ALG9: variants seen among roughly 807,000 people sequenced by gnomAD.
ALG9 encodes alpha-1,2-mannosyltransferase ALG9.
ALG9 carries 55 observed loss-of-function variants against 81.8 expected under a neutral mutation model. The ratio of observed to expected loss-of-function variants is 0.67; its 90% CI spans 0.54 to 0.84. ALG9 has a LOEUF of 0.84. ALG9 is among the 40% of genes least tolerant of loss of function. ALG9 has a pLI of 0.00. For synonymous variants in ALG9, 278 were observed against 274.3 expected (o/e 1.01, Z -0.13); for missense variants, 629 against 745.0 (o/e 0.84, Z 1.81).
chr11:111,768,834 T>TGTGTGCGC, the ALG9 span: 1 of 99,154 alleles, frequency 1.0e-5, no homozygotes, highest in Non-Finnish European at 2.1e-5. Context: ...GCTTCGTGTG[T>TGTGTGCGC]GTGTGTGCGT....
At chr11:111,830,619 T>G (rs1592134390) in intron 13 of ALG9, among the ~76,000 whole-genome samples, 1 of 152,180 alleles carries the variant, frequency 6.6e-6, no homozygotes, top group Non-Finnish European at 1.5e-5. Context: ...ATTACAGCAA[T>G]TTGAATCTGC....
chr11:111,798,081 C>T (rs613292), intron 14 of ALG9: 115,266 of 162,780 alleles, frequency 0.71, 41,665 homozygotes, highest in African/African-American at 0.86. Flanking sequence ...TCCGTGCCTG[C>T]AGTCCCACCT....
intron 3 of ALG9, among the ~76,000 whole-genome samples, chr11:111,867,931 A>G (rs1338569720): frequency 6.6e-6 from 1 of 152,182 alleles, no homozygotes; most frequent in African/African-American, 2.4e-5. Context: ...GAGGTTCCCT[A>G]CCAGGCCTCC....
At chr11:111,833,025 C>T (rs368388008) in intron 13 of ALG9, among the ~76,000 whole-genome samples, 7 of 152,262 alleles carry the variant, frequency 4.6e-5, no homozygotes, top group African/African-American at 7.2e-5. Flanking sequence ...GAGCAAGATC[C>T]AGTCTCTTAA....
At chr11:111,856,626 T>A (rs937450467) in intron 6 of ALG9, among the ~76,000 whole-genome samples, 23 of 130,044 alleles carry the variant, frequency 1.8e-4, no homozygotes, top group African/African-American at 6.8e-4. Context: ...TGGTACTTAC[T>A]TTTTTTTTTT....
At chr11:111,772,235 A>T in the ALG9 span, among the ~76,000 whole-genome samples, 1 of 152,170 alleles carries the variant, frequency 6.6e-6, no homozygotes, top group East Asian at 1.9e-4. Flanking sequence ...AGACCAGCCT[A>T]GGCAACATGG....
chr11:111,838,212 T>A (rs1285182088), intron 11 of ALG9, 37 bp downstream of exon 11: 1 of 1,612,360 alleles, frequency 6.2e-7, no homozygotes, highest in Admixed American at 1.7e-5. Context: ...AGCAAGTGAC[T>A]CGTCAGTGTA....
At chr11:111,787,222 G>C (rs1438874077) in intron 14 of ALG9, among the ~76,000 whole-genome samples, 1 of 152,054 alleles carries the variant, frequency 6.6e-6, no homozygotes, top group Non-Finnish European at 1.5e-5. Context: ...TTTGAGGTCA[G>C]GAGTTCGAGA....
At chr11:111,869,599 AAAAAG>A (rs1245933510) in intron 2 of ALG9, among the ~76,000 whole-genome samples, 30 of 152,230 alleles carry the variant, frequency 2.0e-4, no homozygotes, top group Non-Finnish European at 4.0e-4. Flanking sequence ...ATTTAAAAAA[AAAAAG>A]AAAATTACAA....
At chr11:111,871,158 G>A (rs1231396989) in intron 1 of ALG9, 194 bp downstream of exon 1, 9 of 1,279,924 alleles carry the variant, frequency 7.0e-6, no homozygotes, top group Admixed American at 4.3e-5. Flanking sequence ...CGCAGTGGAG[G>A]GATCTAAGGT....
Position 111,843,950 on chromosome 11 carries a change from A to G in ALG9, c.1018+651T>C, listed in dbSNP as rs1408443343. On this transcript the variant is annotated intron_variant, in intron 9 of 14. Transcript: ENST00000616540. ...TCTCGTGGATTACCTTAAGCAACCT[A>G]TCAGGTTAATATACACTTCTTTAAA... Among the ~76,000 whole-genome samples the G allele has an allele frequency of 2.6e-5, 4 of 152,202 alleles. No individual in the cohort carries two copies. The South Asian group carries it at 6.2e-4, about 24-fold the overall frequency.
rs374981017 is a variant in ALG9 at position 111,818,714 on chromosome 11, A to T, written c.1603-8941T>A. Reference sequence around the variant, plus strand: ...AATTGGGAAATTCATTGTAAGCTCCATAAAATCTGGGGCTGTGTCTATCTC... The same window carrying T: ...AATTGGGAAATTCATTGTAAGCTCCTTAAAATCTGGGGCTGTGTCTATCTC... On this transcript the variant is annotated intron_variant, in intron 13 of 14. Coordinates refer to ENST00000616540, the MANE Select transcript of ALG9 (RefSeq NM_024740.2). 5.9e-5 allele frequency among the ~76,000 whole-genome samples: 9 copies of T among 152,240 alleles called. No individual in the cohort carries two copies. The East Asian group carries it at 1.5e-3, about 26-fold the overall frequency.
the ALG9 span, among the ~76,000 whole-genome samples, chr11:111,773,407 G>A: frequency 1.3e-5 from 2 of 152,066 alleles, no homozygotes; most frequent in African/African-American, 2.4e-5. Context: ...ACCATGCCTG[G>A]CTAATTTTTG....
intron 8 of ALG9, among the ~76,000 whole-genome samples, chr11:111,851,606 G>C (rs1381356037): frequency 2.6e-5 from 4 of 152,016 alleles, no homozygotes; most frequent in African/African-American, 9.7e-5. Context: ...CATTATAAAG[G>C]TGGAGAAGTC....
chr11:111,817,074 A>G (rs1215236421), intron 13 of ALG9: 3 of 152,220 alleles, frequency 2.0e-5, no homozygotes, highest in African/African-American at 7.2e-5. Flanking sequence ...AAGAGGAAGA[A>G]TATCTACCTG....
rs149713419 is a variant in ALG9 at position 111,850,288 on chromosome 11, A to G, written c.895+3092T>C. 1.6e-4 allele frequency among the ~76,000 whole-genome samples: 24 copies of G among 152,338 alleles called. No individual in the cohort carries two copies. The East Asian group carries it at 4.4e-3, about 28-fold the overall frequency. On this transcript the variant is annotated intron_variant, in intron 8 of 14. Coordinates refer to ENST00000616540, the MANE Select transcript of ALG9 (RefSeq NM_024740.2). ...CCAATGGATACCCCAGAATTTATCC[A>G]TTCATTGATTCTTGACAGATCTTTC...
At chr11:111,768,842 C>A in the ALG9 span, 1 of 143,096 alleles carries the variant, frequency 7.0e-6, no homozygotes, top group Non-Finnish European at 1.5e-5. Context: ...TGTGTGTGTG[C>A]GTGTGTGTGT....
the ALG9 span, among the ~76,000 whole-genome samples, chr11:111,776,573 G>A: frequency 5.9e-5 from 9 of 152,166 alleles, no homozygotes; most frequent in Non-Finnish European, 1.3e-4. Flanking sequence ...GGGCAACAGA[G>A]CGAGACTCTA....
rs567614820 is a variant in ALG9, at chr11:111,782,260, G to C, written c.*4137C>G. Reference sequence around the variant, plus strand: ...AATATAAGTATGTAATGTAAACACCGACACGTGAAATAAAGTACAAGGATC... The same window carrying C: ...AATATAAGTATGTAATGTAAACACCCACACGTGAAATAAAGTACAAGGATC... On this transcript the variant is annotated 3_prime_UTR_variant, in exon 15 of 15. Transcript: ENST00000616540. The C allele has an allele frequency of 6.6e-6, 1 of 152,138 alleles. No homozygotes were observed. The highest frequency in any genetic ancestry group is 2.4e-5 in the African/African-American group (1 of 41,442). The allele number at this position is 152,138 out of a possible 1,614,324, so 9.4% of individuals were successfully genotyped here.
Sources: allele counts gnomAD v4.1 joint callset (sites outside exome capture counted in the v4.1 genomes callset), GRCh38; gene constraint gnomAD v4.1.1; transcripts MANE v1.5; gene names NCBI Gene and HGNC (gene_info 2026-07-23, HGNC 2026-07-21).